KIAA1217: variants seen among roughly 807,000 people sequenced by gnomAD.
KIAA1217 encodes KIAA1217.
Under a neutral mutation model 163.9 loss-of-function variants are expected in KIAA1217, and 88 were observed. That is an observed-to-expected ratio of 0.54 (90% CI 0.45 to 0.64). KIAA1217 has a LOEUF of 0.64. Among genes scored for constraint, KIAA1217 ranks in the 30% least tolerant of loss-of-function variants. The pLI is 0.00. For missense variants in KIAA1217, 2,372 were observed against 2,475.0 expected, an observed-to-expected ratio of 0.96 and a Z score of 0.88; for synonymous variants, 903 against 923.1, an observed-to-expected ratio of 0.98 and a Z score of 0.39.
At chr10:24,417,397 C>T (rs955205515) in intron 3 of KIAA1217, among the ~76,000 whole-genome samples, 2 of 152,160 alleles carry the variant, frequency 1.3e-5, no homozygotes, top group Non-Finnish European at 2.9e-5. Flanking sequence ...CATAGCTGCC[C>T]GTGAGCAGTG....
intron 1 of KIAA1217, among the ~76,000 whole-genome samples, chr10:23,877,823 T>C (rs1456828105): frequency 6.6e-6 from 1 of 151,960 alleles, no homozygotes; most frequent in Admixed American, 6.6e-5. Context: ...TGAGCACAGG[T>C]ACATAAAAGA....
chr10:24,409,997 C>CTTTTTTTTTTTTTTTTTTTTTTTTTTTT (rs71397947), intron 3 of KIAA1217, among the ~76,000 whole-genome samples: 2 of 123,872 alleles, frequency 1.6e-5, no homozygotes, highest in East Asian at 2.3e-4. Flanking sequence ...TTTCTTTTTT[C>CTTTTTTTTTTTTTTTTTTTTTTTTTTTT]TTTTTTTTTT....
chr10:23,901,117 A>G (rs1841937095), intron 1 of KIAA1217, among the ~76,000 whole-genome samples: 1 of 152,106 alleles, frequency 6.6e-6, no homozygotes, highest in Non-Finnish European at 1.5e-5. Flanking sequence ...TGTCAGACAT[A>G]AAAACTTTAA....
intron 1 of KIAA1217, among the ~76,000 whole-genome samples, chr10:23,983,218 T>A (rs1480386782): frequency 8.5e-5 from 13 of 152,248 alleles, no homozygotes; most frequent in South Asian, 2.1e-4. Context: ...ATATTCAGCT[T>A]GCTTTACTGT....
In KIAA1217 at chr10:24,524,749, G is replaced by T; in HGVS notation, c.2883G>T (p.Arg961Ser). The T allele has an allele frequency of 6.3e-7, 1 of 1,596,192 alleles. No individual in the cohort carries two copies. Among genetic ancestry groups the T allele is most frequent in the South Asian group, 1.1e-5 (1 of 89,696 alleles). Residue 961 changes from arginine to serine, a missense_variant, in exon 13 of 21, where the codon AGG becomes AGT. By Grantham distance (110) the Arg-to-Ser change is moderately radical (BLOSUM62 -1). Coordinates refer to ENST00000376454, the MANE Select transcript of KIAA1217 (RefSeq NM_019590.5). ...EEIHSVSAKNRAVSIEKAEKK... is the reference protein window; with the variant it reads ...EEIHSVSAKNSAVSIEKAEKK... Reference sequence around the variant, plus strand: ...TCCACAGTGTGAGTGCCAAGAACAGGGCAGTGTCTATCGAGGTAGAGTCCT... The same window carrying T: ...TCCACAGTGTGAGTGCCAAGAACAGTGCAGTGTCTATCGAGGTAGAGTCCT...
Position 24,494,533 on chromosome 10 carries a change from C to T in KIAA1217, c.1713C>T (p.Ala571=). 1.2e-6 allele frequency: 2 copies of T among 1,613,928 alleles called. No individual in the cohort carries two copies. The highest frequency in any genetic ancestry group is 1.7e-6 in the Non-Finnish European group (2 of 1,179,916). The change falls in exon 7 of 21, where the codon GCC becomes GCT. Residue 571 remains alanine (A), a synonymous_variant. Transcript: ENST00000376454. The part of the protein sequence containing the change: ...ERMQAMEKQI[A]SLTGLVQSAL... Reference sequence around the variant, plus strand: ...TGCAAGCCATGGAGAAACAGATTGCCAGTTTAACTGGCCTTGTTCAGTCTG... The same window carrying T: ...TGCAAGCCATGGAGAAACAGATTGCTAGTTTAACTGGCCTTGTTCAGTCTG...
At chr10:24,409,556 A>G (rs757059190) in intron 3 of KIAA1217, among the ~76,000 whole-genome samples, 2 of 152,174 alleles carry the variant, frequency 1.3e-5, no homozygotes, top group African/African-American at 2.4e-5. Context: ...ATATATCAAA[A>G]CTTACCAAAT....
At chr10:24,046,604 A>G (rs576150969) in intron 2 of KIAA1217, among the ~76,000 whole-genome samples, 1 of 152,280 alleles carries the variant, frequency 6.6e-6, no homozygotes, top group South Asian at 2.1e-4. Context: ...CTTTTAAACC[A>G]TCAAATCTCA....
intron 1 of KIAA1217, among the ~76,000 whole-genome samples, chr10:23,880,845 T>C (rs1263215843): frequency 6.6e-6 from 1 of 151,896 alleles, no homozygotes; most frequent in Non-Finnish European, 1.5e-5. Context: ...AGGTCACAGG[T>C]TTAGTTTGAG....
intron 1 of KIAA1217, among the ~76,000 whole-genome samples, chr10:23,892,998 G>A (rs908155269): frequency 6.6e-6 from 1 of 151,918 alleles, no homozygotes; most frequent in African/African-American, 2.4e-5. Flanking sequence ...GGATGATGCT[G>A]GCCTCATAAA....
intron 1 of KIAA1217, among the ~76,000 whole-genome samples, chr10:23,807,944 G>T (rs957666691): frequency 4.6e-5 from 7 of 152,214 alleles, no homozygotes; most frequent in Non-Finnish European, 8.8e-5. Context: ...CCAGGAGTTA[G>T]AAAGGGCTGC....
intron 1 of KIAA1217, among the ~76,000 whole-genome samples, chr10:23,892,637 G>T (rs574792197): frequency 3.3e-5 from 5 of 151,852 alleles, no homozygotes; most frequent in Non-Finnish European, 7.4e-5. Context: ...GAAATCTCAT[G>T]GAAAATTTGC....
At chr10:24,323,734 T>A (rs2044472900) in intron 2 of KIAA1217, among the ~76,000 whole-genome samples, 1 of 151,884 alleles carries the variant, frequency 6.6e-6, no homozygotes. Flanking sequence ...TGTGTAGCAA[T>A]GAGACTGCCC....
chr10:23,844,571 G>C (rs1369859166), intron 1 of KIAA1217, among the ~76,000 whole-genome samples: 2 of 152,036 alleles, frequency 1.3e-5, no homozygotes, highest in Non-Finnish European at 2.9e-5. Flanking sequence ...TAAGAATTTA[G>C]CTTCTGAATT....
intron 2 of KIAA1217, among the ~76,000 whole-genome samples, chr10:24,343,345 T>C (rs2047337313): frequency 6.6e-6 from 1 of 152,100 alleles, no homozygotes; most frequent in Non-Finnish European, 1.5e-5. Flanking sequence ...GCTCATTGTT[T>C]TGATTTACAT....
intron 1 of KIAA1217, among the ~76,000 whole-genome samples, chr10:23,819,521 A>C (rs1018414231): frequency 2.0e-5 from 3 of 152,158 alleles, no homozygotes; most frequent in African/African-American, 7.2e-5. Context: ...AGGTGACAGA[A>C]AAATAAATGT....
intron 3 of KIAA1217, among the ~76,000 whole-genome samples, chr10:24,421,789 T>C (rs1358479222): frequency 6.6e-6 from 1 of 152,350 alleles, no homozygotes; most frequent in East Asian, 1.9e-4. Context: ...CTGTCTAATG[T>C]GAAACCAGCC....
intron 1 of KIAA1217, among the ~76,000 whole-genome samples, chr10:23,842,318 C>T (rs544478526): frequency 2.6e-5 from 4 of 152,242 alleles, no homozygotes; most frequent in South Asian, 2.1e-4. Flanking sequence ...GATCACCAGA[C>T]GGCTCTCCAA....
At chr10:23,790,310 T>TGCAC (rs1169316165) in intron 1 of KIAA1217, among the ~76,000 whole-genome samples, 2 of 111,564 alleles carry the variant, frequency 1.8e-5, no homozygotes, top group Non-Finnish European at 3.7e-5. Flanking sequence ...CATATGCATA[T>TGCAC]ATACATATGC....
Sources: gnomAD v4.1 joint callset for allele counts (sites outside exome capture counted in the v4.1 genomes callset) on GRCh38, gnomAD v4.1.1 for gene constraint, MANE v1.5 for transcripts, NCBI Gene and HGNC (gene_info 2026-07-23, HGNC 2026-07-21) for gene names.